FAT3: variants seen among roughly 807,000 people sequenced by gnomAD.
FAT3 encodes protocadherin Fat 3.
FAT3 carries 95 observed loss-of-function variants against 310.2 expected under a neutral mutation model. The observed-to-expected ratio is 0.31, with a 90% CI of 0.26 to 0.36. FAT3 has a LOEUF of 0.36. FAT3 is among the 10% of genes least tolerant of loss of function. The pLI, the probability that FAT3 is intolerant of heterozygous loss-of-function variation, is 1.00. For missense variants in FAT3, 5,408 were observed against 5,715.6 expected (o/e 0.95, Z 1.74); for synonymous variants, 2,314 against 2,192.9 (o/e 1.06, Z -1.54).
intron 4 of FAT3, among the ~76,000 whole-genome samples, chr11:92,705,335 ATGG>A (rs1944241787): frequency 7.8e-6 from 1 of 128,790 alleles, no homozygotes; most frequent in Admixed American, 7.6e-5. Context: ...TGGTGGTGTG[ATGG>A]TGGTGGTGAT....
At chr11:92,861,274 A>G (rs1949115546) in intron 21 of FAT3, among the ~76,000 whole-genome samples, 2 of 152,226 alleles carry the variant, frequency 1.3e-5, no homozygotes, top group African/African-American at 2.4e-5. Flanking sequence ...GGTTGAAAAT[A>G]GTTTCTATTA....
At chr11:92,361,102 C>A (rs1054000814) in intron 2 of FAT3, among the ~76,000 whole-genome samples, 1 of 152,134 alleles carries the variant, frequency 6.6e-6, no homozygotes, top group Non-Finnish European at 1.5e-5. Context: ...AGCACTGTGG[C>A]AGACTGGATT....
At chr11:92,796,782 A>G (rs188492328) in intron 9 of FAT3, among the ~76,000 whole-genome samples, 5 of 152,208 alleles carry the variant, frequency 3.3e-5, no homozygotes, top group African/African-American at 4.8e-5. Flanking sequence ...CCTTCTTTAC[A>G]TACTCCACAT....
intron 4 of FAT3, among the ~76,000 whole-genome samples, chr11:92,750,634 TTCTCTCTC>T (rs10558123): frequency 4.1e-4 from 61 of 149,660 alleles, no homozygotes; most frequent in African/African-American, 1.4e-3. Context: ...GATTTGGCTG[TTCTCTCTC>T]TCTCTCTCTC....
intron 1 of FAT3, among the ~76,000 whole-genome samples, chr11:92,333,545 T>TC (rs1284813476): frequency 6.6e-6 from 1 of 152,142 alleles, no homozygotes; most frequent in East Asian, 1.9e-4. Flanking sequence ...AAGTGTGTTT[T>TC]CTCTCAGAAT....
intron 1 of FAT3, among the ~76,000 whole-genome samples, chr11:92,286,737 T>TG (rs1946570143): frequency 2.6e-5 from 4 of 152,210 alleles, no homozygotes; most frequent in Admixed American, 2.6e-4. Flanking sequence ...AGAGCTCATT[T>TG]GCCTTTTGCT....
At chr11:92,847,450 G>C (rs948253976) in intron 19 of FAT3, among the ~76,000 whole-genome samples, 2 of 152,140 alleles carry the variant, frequency 1.3e-5, no homozygotes, top group Admixed American at 1.3e-4. Context: ...ATAGCCCAAC[G>C]ATGCATTTCA....
intron 2 of FAT3, among the ~76,000 whole-genome samples, chr11:92,448,377 G>T (rs1184814648): frequency 2.0e-5 from 3 of 151,858 alleles, no homozygotes; most frequent in Non-Finnish European, 4.4e-5. Flanking sequence ...TGGTTTTCTG[G>T]GTGCAGACAA....
At chr11:92,284,848 T>C (rs576842117) in intron 1 of FAT3, among the ~76,000 whole-genome samples, 1 of 152,238 alleles carries the variant, frequency 6.6e-6, no homozygotes, top group Non-Finnish European at 1.5e-5. Context: ...AGTGCTGGCA[T>C]GTGGAAGATC....
At chr11:92,634,205 C>T (rs1674082) in intron 3 of FAT3, among the ~76,000 whole-genome samples, 44,308 of 152,106 alleles carry the variant, frequency 0.29, 6,775 homozygotes, top group Non-Finnish European at 0.33. Flanking sequence ...ACATGATAGA[C>T]TCTGTGTTGA....
In FAT3 at chr11:92,882,751, A is replaced by G. The variant is rs2136407680; in HGVS notation, c.12295A>G (p.Ile4099Val). Residue 4099 changes from isoleucine to valine, a missense_variant, in exon 24 of 28, where the codon ATC becomes GTC. Transcript: ENST00000525166. ...GLTGVTCEED[I>V]NECEREECEN... ...GTGTCGCCGCAGGTGTGAGGAGGAC[A>G]TCAATGAGTGCGAACGAGAGGAGTG... The G allele has an allele frequency of 6.2e-7, 1 of 1,603,424 alleles. No individual in the cohort carries two copies. The highest frequency in any genetic ancestry group is 8.5e-7 in the Non-Finnish European group (1 of 1,173,662).
chr11:92,478,256 A>G (rs555241129), intron 2 of FAT3, among the ~76,000 whole-genome samples: 1 of 152,210 alleles, frequency 6.6e-6, no homozygotes, highest in Non-Finnish European at 1.5e-5. Context: ...TTGCTCTTGA[A>G]TTTAATCTTA....
intron 14 of FAT3, among the ~76,000 whole-genome samples, chr11:92,833,983 G>A (rs1948333067): frequency 6.6e-6 from 1 of 152,190 alleles, no homozygotes; most frequent in Non-Finnish European, 1.5e-5. Context: ...GGCAGTCTTA[G>A]CAACTAGAGA....
In FAT3 at chr11:92,354,273, C is replaced by G. The variant is rs1361137584; in HGVS notation, c.2161C>G (p.Gln721Glu). 6.2e-7 allele frequency: 1 copy of G among 1,613,556 alleles called. No homozygotes were observed. Among genetic ancestry groups the G allele is most frequent in the African/African-American group, 1.3e-5 (1 of 74,910 alleles). ...TCTTGACTTTTATTCAATTAATAGA[C>G]AGGGACCATATTTTGACAAGTCTTT... ...GFLDFYSINRQGPYFDKSFPS... is the reference protein window; with the variant it reads ...GFLDFYSINREGPYFDKSFPS... The change falls in exon 2 of 28, where the codon CAG becomes GAG. Residue 721 changes from glutamine (Q) to glutamate (E), a missense_variant. By Grantham distance (29) the Gln-to-Glu change is conservative. Around this residue, in one of 5 missense-constraint regions of FAT3, gnomAD observed 4,588 missense variants for 4,809.8 expected, o/e 0.95. Coordinates refer to ENST00000525166, the MANE Select transcript of FAT3 (RefSeq NM_001367949.2).
chr11:92,766,488 G>A (rs777929876), intron 6 of FAT3: 6 of 152,250 alleles, frequency 3.9e-5, no homozygotes, highest in Non-Finnish European at 7.3e-5. Context: ...TTTTAACAAG[G>A]CACAGAAAAA....
At chr11:92,709,296 G>A (rs751686810) in intron 4 of FAT3, among the ~76,000 whole-genome samples, 16 of 152,202 alleles carry the variant, frequency 1.1e-4, no homozygotes, top group Non-Finnish European at 1.8e-4. Flanking sequence ...CCTCAATCGT[G>A]TAGAAATACG....
At chr11:92,490,474 G>A (rs1424558879) in intron 2 of FAT3, among the ~76,000 whole-genome samples, 2 of 152,122 alleles carry the variant, frequency 1.3e-5, no homozygotes, top group East Asian at 3.9e-4. Flanking sequence ...TTCCTGAGAA[G>A]TGGAGACTAT....
intron 9 of FAT3, 81 bp from the exon 10 acceptor site, chr11:92,797,755 G>A (rs765622636): frequency 4.1e-6 from 5 of 1,225,282 alleles, no homozygotes; most frequent in South Asian, 1.4e-5. Context: ...TTGCAGTAAG[G>A]TACCTATAGA....
intron 12 of FAT3, among the ~76,000 whole-genome samples, chr11:92,809,530 T>A (rs1947607712): frequency 1.3e-5 from 2 of 152,170 alleles, no homozygotes; most frequent in African/African-American, 4.8e-5. Flanking sequence ...AGAGTAGATC[T>A]TGAGAGGTTT....
Sources: allele counts gnomAD v4.1 joint callset (sites outside exome capture counted in the v4.1 genomes callset), GRCh38; gene constraint gnomAD v4.1.1; regional missense constraint gnomAD v4.1.1; transcripts MANE v1.5; gene names NCBI Gene and HGNC (gene_info 2026-07-23, HGNC 2026-07-21).